ZFAND3: variants seen among roughly 807,000 people sequenced by gnomAD.
ZFAND3 encodes zinc finger AN1-type containing 3.
Under a neutral mutation model 29.6 loss-of-function variants are expected in ZFAND3, and 10 were observed. The ratio of observed to expected loss-of-function variants is 0.34; its 90% CI spans 0.21 to 0.57. ZFAND3 has a LOEUF of 0.57. ZFAND3 is among the 20% of genes least tolerant of loss of function. The pLI is 0.86. For missense variants in ZFAND3, 230 were observed against 304.5 expected, an observed-to-expected ratio of 0.76 and a Z score of 1.82; for synonymous variants, 128 against 112.6, an observed-to-expected ratio of 1.14 and a Z score of -0.87.
intron 3 of ZFAND3, among the ~76,000 whole-genome samples, chr6:38,076,125 G>A (rs1764549204): frequency 6.6e-6 from 1 of 151,998 alleles, no homozygotes; most frequent in South Asian, 2.1e-4. Context: ...TCAGTTAGCA[G>A]CCATCAACAT....
At chr6:38,110,717 T>C (rs1282193013) in intron 4 of ZFAND3, among the ~76,000 whole-genome samples, 1 of 152,238 alleles carries the variant, frequency 6.6e-6, no homozygotes, top group Non-Finnish European at 1.5e-5. Context: ...GATTCATCTT[T>C]CGTAGAAGTA....
intron 1 of ZFAND3, among the ~76,000 whole-genome samples, chr6:37,852,713 TTTTC>T (rs1764303725): frequency 1.3e-5 from 2 of 150,178 alleles, no homozygotes; most frequent in African/African-American, 4.9e-5. Context: ...TTCCTTTTTC[TTTTC>T]TTTTTTTTTT....
intron 4 of ZFAND3, among the ~76,000 whole-genome samples, chr6:38,099,869 G>A (rs1765059333): frequency 6.6e-6 from 1 of 152,126 alleles, no homozygotes. Context: ...TGAATTATAT[G>A]TCCAAATATG....
intron 4 of ZFAND3, among the ~76,000 whole-genome samples, chr6:38,087,727 G>T (rs10947712): frequency 0.28 from 42,638 of 152,080 alleles, 6,845 homozygotes; most frequent in Non-Finnish European, 0.37. Context: ...GGAATTCCTT[G>T]TACACTGTTG....
At position 37,883,877 on chromosome 6, in the gene ZFAND3, C is replaced by T. The variant is rs192002515; in HGVS notation, c.72-46082C>T. Among the ~76,000 whole-genome samples the T allele has an allele frequency of 5.5e-5, 8 of 145,256 alleles. No homozygotes were observed. In the East Asian group the frequency reaches 5.9e-4, roughly 11 times the overall value. On this transcript the variant is annotated intron_variant, in intron 1 of 5. Coordinates refer to ENST00000287218, the MANE Select transcript of ZFAND3 (RefSeq NM_021943.3). ...TTTCATTATCTATTTCCCTTTCTCCCGTCCACCTAACTAGTTCATAATGTA... is the reference window on the plus strand; with the variant it reads ...TTTCATTATCTATTTCCCTTTCTCCTGTCCACCTAACTAGTTCATAATGTA...
intron 1 of ZFAND3, among the ~76,000 whole-genome samples, chr6:37,881,064 T>C (rs1318036961): frequency 6.6e-6 from 1 of 151,994 alleles, no homozygotes; most frequent in East Asian, 1.9e-4. Flanking sequence ...TCTTTATTTT[T>C]ATTTATTTAT....
At chr6:38,078,849 G>A (rs542202759) in intron 3 of ZFAND3, among the ~76,000 whole-genome samples, 4 of 152,094 alleles carry the variant, frequency 2.6e-5, no homozygotes, top group Non-Finnish European at 5.9e-5. Context: ...GTGAAAAATG[G>A]GAGCCAAGTT....
intron 2 of ZFAND3, among the ~76,000 whole-genome samples, chr6:37,984,671 A>G (rs894701774): frequency 1.3e-5 from 2 of 152,244 alleles, no homozygotes; most frequent in African/African-American, 4.8e-5. Flanking sequence ...TAAAACTTCT[A>G]CTGAAGCCCA....
intron 2 of ZFAND3, among the ~76,000 whole-genome samples, chr6:37,963,723 C>T (rs944596075): frequency 2.6e-4 from 40 of 152,270 alleles, no homozygotes; most frequent in African/African-American, 7.9e-4. Context: ...AGCCTTCTTT[C>T]CTCCTTTTCT....
intron 5 of ZFAND3, among the ~76,000 whole-genome samples, chr6:38,143,836 C>T (rs939335459): frequency 2.6e-5 from 4 of 152,266 alleles, no homozygotes; most frequent in African/African-American, 9.6e-5. Context: ...TTTCCCCCTA[C>T]CATGCAAAGC....
At position 37,926,274 on chromosome 6, in the gene ZFAND3, A is replaced by G. The variant is rs78916230; in HGVS notation, c.72-3685A>G. ...AAATTACCACAAAGTTGGTGACAGAATAATAGAAATTTATTTTCTCAAAGT... is the reference window on the plus strand; with the variant it reads ...AAATTACCACAAAGTTGGTGACAGAGTAATAGAAATTTATTTTCTCAAAGT... On this transcript the variant is annotated intron_variant, in intron 1 of 5. Coordinates refer to ENST00000287218, the MANE Select transcript of ZFAND3 (RefSeq NM_021943.3). 0.014 allele frequency among the ~76,000 whole-genome samples: 2,171 copies of G among 152,338 alleles called. 250 individuals are homozygous for G. In the East Asian group the frequency reaches 0.28, roughly 20 times the overall value.
intron 1 of ZFAND3, among the ~76,000 whole-genome samples, chr6:37,908,962 G>A (rs1030367100): frequency 4.6e-5 from 7 of 152,098 alleles, no homozygotes; most frequent in Admixed American, 2.6e-4. Flanking sequence ...TTCATAAGTT[G>A]TGTATTAGTT....
intron 1 of ZFAND3, among the ~76,000 whole-genome samples, chr6:37,853,210 G>A (rs115669130): frequency 2.0e-5 from 3 of 152,094 alleles, no homozygotes; most frequent in African/African-American, 7.2e-5. Context: ...ATATCTAAAT[G>A]GGATCAGTGA....
chr6:37,837,786 A>G (rs966024864), intron 1 of ZFAND3, among the ~76,000 whole-genome samples: 78 of 152,340 alleles, frequency 5.1e-4, no homozygotes, highest in African/African-American at 1.8e-3. Context: ...GATTACAGGC[A>G]TGAGCCATTA....
chr6:37,991,238 CTG>C (rs1207286563), intron 2 of ZFAND3, among the ~76,000 whole-genome samples: 1 of 152,082 alleles, frequency 6.6e-6, no homozygotes, highest in Non-Finnish European at 1.5e-5. Context: ...CATTTTCCCT[CTG>C]TGTGTCTGTG....
At chr6:38,149,458 C>T (rs1435360961) in intron 5 of ZFAND3, among the ~76,000 whole-genome samples, 2 of 147,816 alleles carry the variant, frequency 1.4e-5, no homozygotes, top group Admixed American at 6.7e-5. Flanking sequence ...ATGTGTCTAA[C>T]AGGTACACAG....
intron 2 of ZFAND3, 108 bp downstream of exon 2, chr6:37,930,107 G>A (rs1761567512): frequency 1.8e-6 from 2 of 1,103,460 alleles, no homozygotes; most frequent in Admixed American, 2.8e-5. Flanking sequence ...TTATGCATGG[G>A]GTTTTGTTTT....
At chr6:37,975,577 A>T (rs1762463720) in intron 2 of ZFAND3, among the ~76,000 whole-genome samples, 1 of 152,022 alleles carries the variant, frequency 6.6e-6, no homozygotes, top group Non-Finnish European at 1.5e-5. Flanking sequence ...ATTTATGTAA[A>T]TTTTTATATA....
intron 4 of ZFAND3, among the ~76,000 whole-genome samples, chr6:38,100,274 GGATGGTCTC>G (rs1159863274): frequency 6.6e-6 from 1 of 152,102 alleles, no homozygotes; most frequent in Non-Finnish European, 1.5e-5. Context: ...ATGTTGGCCA[GGATGGTCTC>G]GATCTCTTGA....
Sources: allele counts gnomAD v4.1 joint callset (sites outside exome capture counted in the v4.1 genomes callset), GRCh38; gene constraint gnomAD v4.1.1; transcripts MANE v1.5; gene names NCBI Gene and HGNC (gene_info 2026-07-23, HGNC 2026-07-21).